The following CNIH3 variants were observed in gnomAD, a reference collection of about 807,000 sequenced individuals.
CNIH3 encodes the protein cornichon family AMPA receptor auxiliary protein 3.
In CNIH3, 14 loss-of-function variants were observed where a neutral mutation model predicts 24.1. The observed-to-expected ratio is 0.58, with a 90% CI of 0.38 to 0.91. The LOEUF (loss-of-function observed/expected upper bound fraction) is 0.91, where lower values mean the gene tolerates loss of function less well. CNIH3 is among the 40% of genes least tolerant of loss of function. The pLI, the probability that CNIH3 is intolerant of heterozygous loss-of-function variation, is 0.00. For missense variants in CNIH3, 178 were observed against 196.8 expected, an observed-to-expected ratio of 0.90 and a Z score of 0.57; for synonymous variants, 68 against 73.8, an observed-to-expected ratio of 0.92 and a Z score of 0.40.
chr1:224,709,506 A>C (rs1237643248), intron 3 of CNIH3, among the ~76,000 whole-genome samples: 1 of 152,194 alleles, frequency 6.6e-6, no homozygotes, highest in Non-Finnish European at 1.5e-5. Flanking sequence ...AGCACCTTCA[A>C]GTGTAGGAGA....
At chr1:224,434,742 G>A in exon 1 of CNIH3, 1 of 987,226 alleles carries the variant, frequency 1.0e-6, no homozygotes, top group Non-Finnish European at 1.2e-6. Flanking sequence ...TCTGTCCTCG[G>A]ATCCGCTCCG....
chr1:224,571,348 G>A (rs112117844), intron 4 of CNIH3, among the ~76,000 whole-genome samples: 76 of 152,264 alleles, frequency 5.0e-4, no homozygotes, highest in African/African-American at 1.7e-3. Context: ...GGTGAGACAC[G>A]GAGGAGGTGG....
chr1:224,668,864 A>C (rs1473149913), intron 1 of CNIH3, among the ~76,000 whole-genome samples: 2 of 148,436 alleles, frequency 1.3e-5, no homozygotes, highest in African/African-American at 2.5e-5. Flanking sequence ...AGTGTGCTTC[A>C]TGCGCAGGGC....
intron 3 of CNIH3, among the ~76,000 whole-genome samples, chr1:224,698,533 C>T (rs1687300381): frequency 6.6e-6 from 1 of 152,176 alleles, no homozygotes; most frequent in South Asian, 2.1e-4. Context: ...TATATGTCTT[C>T]TGAGAGAAAC....
intron 1 of CNIH3, among the ~76,000 whole-genome samples, chr1:224,440,464 A>G (rs967391490): frequency 6.6e-6 from 1 of 152,080 alleles, no homozygotes; most frequent in African/African-American, 2.4e-5. Flanking sequence ...GGCTCAAGCA[A>G]TCCTCCTGCC....
At chr1:224,583,595 T>C (rs112623501) in intron 5 of CNIH3, among the ~76,000 whole-genome samples, 109 of 152,238 alleles carry the variant, frequency 7.2e-4, no homozygotes, top group African/African-American at 2.6e-3. Context: ...CACCAAGTTG[T>C]TTGGTTTAGT....
At chr1:224,526,530 G>A (rs1678853685) in intron 2 of CNIH3, among the ~76,000 whole-genome samples, 3 of 152,082 alleles carry the variant, frequency 2.0e-5, no homozygotes, top group Admixed American at 6.6e-5. Flanking sequence ...CTTTTTTGCG[G>A]GTGGGAGAGC....
chr1:224,560,542 C>T (rs1032194154), intron 3 of CNIH3, among the ~76,000 whole-genome samples: 9 of 152,078 alleles, frequency 5.9e-5, no homozygotes, highest in African/African-American at 7.2e-5. Context: ...ACCTAAGCTC[C>T]GCCTCCTTTC....
intron 1 of CNIH3, among the ~76,000 whole-genome samples, chr1:224,662,199 T>G (rs1261629921): frequency 6.6e-6 from 1 of 152,214 alleles, no homozygotes; most frequent in Non-Finnish European, 1.5e-5. Flanking sequence ...TTCAAGATTT[T>G]AAATTACATA....
intron 1 of CNIH3, among the ~76,000 whole-genome samples, chr1:224,447,389 C>A (rs1418180432): frequency 1.3e-5 from 2 of 152,040 alleles, no homozygotes; most frequent in Non-Finnish European, 2.9e-5. Flanking sequence ...AGAGGAAATC[C>A]TTTTCTCTCC....
In CNIH3 at chr1:224,737,495, C is replaced by A. The variant is rs573223688; in HGVS notation, c.456-1834C>A. 9.0e-4 allele frequency among the ~76,000 whole-genome samples: 136 copies of A among 150,346 alleles called. No homozygotes were observed. The Middle Eastern group carries it at 0.017, about 19-fold the overall frequency. On this transcript the variant is annotated intron_variant, in intron 5 of 5. Coordinates refer to ENST00000272133, the MANE Select transcript of CNIH3 (RefSeq NM_152495.2). The stretch of plus-strand genomic sequence containing the variant: ...GGCCCCTTGGTGCTCTTTGGGGCTG[C>A]TTAAAAGACTCTGTTTCTCCCACCT...
Position 224,616,583 on chromosome 1 carries a change from C to G in CNIH3, c.-592C>G. 3.0e-6 allele frequency: 3 copies of G among 986,770 alleles called. No homozygotes were observed. Among genetic ancestry groups the G allele is most frequent in the Non-Finnish European group, 3.6e-6 (3 of 830,878 alleles). The allele number at this position is 986,770 out of a possible 1,614,324, so 61.1% of individuals were successfully genotyped here. A position where few individuals can be genotyped will look rare whatever the true frequency, so the allele number is the denominator to read the frequency against. On this transcript the variant is annotated 5_prime_UTR_variant, in exon 1 of 6. Transcript: ENST00000272133. ...CGTCTGGGGCGCAGGACCAACGGGA[C>G]CTACCTCCTCCCGGCTACCTAAAGA...
chr1:224,586,553 G>A (rs552068116), intron 5 of CNIH3, among the ~76,000 whole-genome samples: 1 of 152,166 alleles, frequency 6.6e-6, no homozygotes, highest in East Asian at 1.9e-4. Context: ...CCAGTACTTT[G>A]CTTCCCTGGG....
At chr1:224,588,758 G>C (rs756544863), downstream of CNIH3, 1 of 151,954 alleles carries the variant, frequency 6.6e-6, no homozygotes, top group Admixed American at 6.6e-5. Context: ...TTTGCTGGCA[G>C]CACTAGGCAA....
chr1:224,590,127 A>G (rs1681688598), downstream of CNIH3, among the ~76,000 whole-genome samples: 2 of 152,130 alleles, frequency 1.3e-5, no homozygotes, highest in South Asian at 4.1e-4. Context: ...CACCCACCTC[A>G]GCCTCCCAAA....
chr1:224,522,785 T>C (rs565699184), intron 2 of CNIH3, among the ~76,000 whole-genome samples: 23 of 152,342 alleles, frequency 1.5e-4, no homozygotes, highest in African/African-American at 4.8e-4. Flanking sequence ...TGTGGAACTG[T>C]TGGAACCCTC....
chr1:224,518,483 C>G (rs1231608355), intron 1 of CNIH3, among the ~76,000 whole-genome samples: 1 of 151,214 alleles, frequency 6.6e-6, no homozygotes, highest in Non-Finnish European at 1.5e-5. Context: ...ACCAACACAC[C>G]TGCCTAATTT....
At chr1:224,535,657 T>C (rs1679254131) in intron 2 of CNIH3, among the ~76,000 whole-genome samples, 1 of 152,188 alleles carries the variant, frequency 6.6e-6, no homozygotes, top group South Asian at 2.1e-4. Flanking sequence ...TACTGTCAAA[T>C]GTAGTAACCG....
chr1:224,476,139 A>G (rs1676578913), intron 1 of CNIH3, among the ~76,000 whole-genome samples: 1 of 152,244 alleles, frequency 6.6e-6, no homozygotes, highest in African/African-American at 2.4e-5. Flanking sequence ...AGCTAATATC[A>G]TACTTAAAGT....
Sources: allele counts gnomAD v4.1 joint callset (sites outside exome capture counted in the v4.1 genomes callset), GRCh38; gene constraint gnomAD v4.1.1; transcripts MANE v1.5; gene names NCBI Gene and HGNC (gene_info 2026-07-23, HGNC 2026-07-21).